Variants in NEO1 observed in about 807,000 individuals in gnomAD.
NEO1 encodes neogenin 1, also known as neogenin.
NEO1 carries 63 observed loss-of-function variants against 159.7 expected under a neutral mutation model. The ratio of observed to expected loss-of-function variants is 0.39; its 90% confidence interval spans 0.32 to 0.49. The LOEUF is 0.49. NEO1 is among the 20% of genes least tolerant of loss of function. The probability of loss-of-function intolerance (pLI) is 0.85; values close to 1 mark genes in which losing one functional copy is unlikely to be tolerated. For missense variants in NEO1, 1,615 were observed against 1,831.0 expected, an observed-to-expected ratio of 0.88 and a Z score of 2.15; for synonymous variants, 633 against 662.0, an observed-to-expected ratio of 0.96 and a Z score of 0.67.
At chr15:73,081,867 ATT>A (rs35614949) in intron 1 of NEO1, among the ~76,000 whole-genome samples, 7 of 131,686 alleles carry the variant, frequency 5.3e-5, no homozygotes, top group Admixed American at 7.8e-5. Context: ...AAATACTAGT[ATT>A]TTTTTTTTTT....
rs138853162 is a variant in NEO1, at chr15:73,066,926, A to G, written c.130+14121A>G. ...TTTCTTTTTGCATCTTGGTTCCTCA[A>G]TTCCTCATTGCCTTGATTGCCTTTA... On this transcript the variant is annotated intron_variant, in intron 1 of 28. Transcript: ENST00000261908. 4.0e-4 allele frequency among the ~76,000 whole-genome samples: 61 copies of G among 152,268 alleles called. 1 individual carries two copies. Among genetic ancestry groups the G allele is most frequent in the African/African-American group, 1.4e-3 (58 of 41,534 alleles).
chr15:73,291,047 C>A (rs1365085014), intron 25 of NEO1, among the ~76,000 whole-genome samples: 1 of 152,108 alleles, frequency 6.6e-6, no homozygotes, highest in African/African-American at 2.4e-5. Context: ...TGCTTGTGGT[C>A]CTTGATGGAA....
At chr15:73,109,026 G>A (rs1243434396) in intron 1 of NEO1, among the ~76,000 whole-genome samples, 1 of 152,132 alleles carries the variant, frequency 6.6e-6, no homozygotes, top group Admixed American at 6.5e-5. Context: ...TATTTTAGCT[G>A]TACTGGGGAG....
Position 73,278,116 on chromosome 15 carries a change from T to C in NEO1, c.3194-15T>C. On this transcript the variant is annotated splice_polypyrimidine_tract_variant and intron_variant, in intron 21 of 28. Transcript: ENST00000261908. ...ATGTGTGGGGTCATTATTGACATGA[T>C]TTCTTCTCCTTTAGCCTCAGGGTCT... is the stretch of plus-strand genomic sequence containing the variant. 1 of 1,606,986 alleles carries C rather than the reference T, an allele frequency of 6.2e-7. No individual in the cohort carries two copies. The highest frequency in any genetic ancestry group is 8.5e-7 in the Non-Finnish European group (1 of 1,174,834).
intron 7 of NEO1, among the ~76,000 whole-genome samples, chr15:73,229,539 C>T (rs921462240): frequency 6.6e-6 from 1 of 150,424 alleles, no homozygotes; most frequent in Non-Finnish European, 1.5e-5. Flanking sequence ...TTCTTCCTTT[C>T]CCATCAGTAT....
intron 23 of NEO1, among the ~76,000 whole-genome samples, chr15:73,283,933 T>C (rs1234193060): frequency 6.6e-6 from 1 of 152,166 alleles, no homozygotes; most frequent in Non-Finnish European, 1.5e-5. Context: ...ATTGCTTTAA[T>C]GAACAGGAAA....
intron 11 of NEO1, among the ~76,000 whole-genome samples, chr15:73,250,532 T>C (rs1042329896): frequency 6.6e-6 from 1 of 152,174 alleles, no homozygotes; most frequent in African/African-American, 2.4e-5. Flanking sequence ...TGCCCCCTTA[T>C]GTGATACATG....
chr15:73,189,933 C>T (rs192173495), intron 7 of NEO1, among the ~76,000 whole-genome samples: 889 of 152,168 alleles, frequency 5.8e-3, no homozygotes, highest in Non-Finnish European at 0.011. Context: ...TATGCATTTT[C>T]GGTAACAGCA....
At chr15:73,190,726 C>T (rs888095792) in intron 7 of NEO1, among the ~76,000 whole-genome samples, 1 of 151,972 alleles carries the variant, frequency 6.6e-6, no homozygotes, top group East Asian at 1.9e-4. Context: ...TTTTTTGTAA[C>T]GGTAATTATA....
chr15:73,054,376 G>C (rs1395140713), intron 1 of NEO1, among the ~76,000 whole-genome samples: 1 of 152,186 alleles, frequency 6.6e-6, no homozygotes, highest in Admixed American at 6.5e-5. Context: ...CTTAACATCT[G>C]TTTCAACATT....
Position 73,082,003 on chromosome 15 carries a change from A to G in NEO1, c.130+29198A>G, listed in dbSNP as rs145584917. ...ATTCTCCTGCCTCAGCCTCCCGAGT[A>G]GCTGGGACTACAGGCATGCACCACT... On this transcript the variant is annotated intron_variant, in intron 1 of 28. Coordinates refer to ENST00000261908, the MANE Select transcript of NEO1 (RefSeq NM_002499.4). Among the ~76,000 whole-genome samples the G allele has an allele frequency of 3.2e-3, 492 of 151,690 alleles. 2 individuals carry two copies. Among genetic ancestry groups the G allele is most frequent in the African/African-American group, 0.012 (479 of 41,334 alleles).
At chr15:73,130,577 A>G (rs913007461) in intron 4 of NEO1, among the ~76,000 whole-genome samples, 8 of 152,206 alleles carry the variant, frequency 5.3e-5, no homozygotes, top group African/African-American at 1.9e-4. Flanking sequence ...AGACCATGCC[A>G]GGAGCCTAGA....
Position 73,266,408 on chromosome 15 carries a change from A to G in NEO1, c.2491A>G (p.Thr831Ala), listed in dbSNP as rs745443780. The G allele has an allele frequency of 6.2e-6, 10 of 1,609,298 alleles. No individual in the cohort carries two copies. In the African/African-American group the frequency reaches 1.2e-4, roughly 19 times the overall value. The change falls in exon 16 of 29, where the codon ACA (threonine) becomes GCA (alanine). Residue 831 changes from threonine to alanine, a missense_variant. By Grantham distance (58) the Thr-to-Ala change is moderately conservative (BLOSUM62 0). Around this residue, in one of 3 missense-constraint regions of NEO1, gnomAD observed 1,018 missense variants for 1,115.4 expected, o/e 0.91. Transcript: ENST00000261908. ...TGAGAGTGCTGTGACCAGGCCTCAC[A>G]CAGGTAAGGTATCCTATCTTTCCTA... is the stretch of plus-strand genomic sequence containing the variant. ...LYESAVTRPH[T>A]DTSEVDLFVI...
intron 3 of NEO1, among the ~76,000 whole-genome samples, chr15:73,124,765 G>C (rs2029942477): frequency 6.6e-6 from 1 of 152,006 alleles, no homozygotes; most frequent in South Asian, 2.1e-4. Context: ...ATTACCATCT[G>C]ACATGTTCTA....
At chr15:73,074,681 A>AG (rs1215747989) in intron 1 of NEO1, among the ~76,000 whole-genome samples, 1 of 152,040 alleles carries the variant, frequency 6.6e-6, no homozygotes, top group East Asian at 1.9e-4. Context: ...CCTTTATGGG[A>AG]GGGGGGAAGC....
Position 73,249,085 on chromosome 15 carries a change from C to G in NEO1, c.1632C>G (p.Asn544Lys). 1 of 1,614,054 alleles carries G rather than the reference C, an allele frequency of 6.2e-7. No individual in the cohort carries two copies. Among genetic ancestry groups the G allele is most frequent in the Non-Finnish European group, 8.5e-7 (1 of 1,179,964 alleles). Reference sequence around the variant, plus strand: ...TTCAGCTCCCTGGCCCAGCACCTAACCTTCGTGCATATGCAGCTTCGCCTA... The same window carrying G: ...TTCAGCTCCCTGGCCCAGCACCTAAGCTTCGTGCATATGCAGCTTCGCCTA... ...PEVQLPGPAP[N>K]LRAYAASPTS... Residue 544 changes from asparagine (N) to lysine (K), a missense_variant, in exon 10 of 29, where the codon AAC becomes AAG. By Grantham distance (94) the Asn-to-Lys change is moderately conservative. Coordinates refer to ENST00000261908, the MANE Select transcript of NEO1 (RefSeq NM_002499.4).
intron 7 of NEO1, among the ~76,000 whole-genome samples, chr15:73,218,169 A>G (rs1159796099): frequency 1.3e-5 from 2 of 152,186 alleles, no homozygotes; most frequent in Non-Finnish European, 1.5e-5. Flanking sequence ...CCTTTTCTGC[A>G]TCTGTTGAGG....
intron 26 of NEO1, among the ~76,000 whole-genome samples, chr15:73,294,014 G>T (rs1365214406): frequency 6.6e-6 from 1 of 152,148 alleles, no homozygotes; most frequent in Non-Finnish European, 1.5e-5. Flanking sequence ...AAGGAGCAGT[G>T]GGGCCACCAG....
At chr15:73,276,393 A>C (rs2151063925) in intron 21 of NEO1, among the ~76,000 whole-genome samples, 1 of 152,368 alleles carries the variant, frequency 6.6e-6, no homozygotes, top group Non-Finnish European at 1.5e-5. Flanking sequence ...AGTACACTTA[A>C]ACCTGAAGAG....
Sources: gnomAD v4.1 joint callset for allele counts (sites outside exome capture counted in the v4.1 genomes callset) on GRCh38, gnomAD v4.1.1 for gene constraint, gnomAD v4.1.1 regional missense constraint, MANE v1.5 for transcripts, NCBI Gene and HGNC (gene_info 2026-07-23, HGNC 2026-07-21) for gene names.